The following MFAP5 variants were observed in gnomAD, a reference collection of about 807,000 sequenced individuals.
MFAP5 encodes microfibril associated protein 5, also known as microfibrillar-associated protein 5.
MFAP5 carries 19 observed loss-of-function variants against 30.1 expected under a neutral mutation model. That is an observed-to-expected ratio of 0.63 (90% CI 0.44 to 0.93). The LOEUF (loss-of-function observed/expected upper bound fraction) is 0.93. Ranked by LOEUF, MFAP5 falls within the 40% of genes least tolerant of loss-of-function variation. The pLI, the probability that MFAP5 is intolerant of heterozygous loss-of-function variation, is 0.00. For missense variants in MFAP5, 210 were observed against 221.3 expected, an observed-to-expected ratio of 0.95 and a Z score of 0.32; for synonymous variants, 92 against 72.9, an observed-to-expected ratio of 1.26 and a Z score of -1.33.
intron 5 of MFAP5, 23 bp from the exon 6 acceptor site, chr12:8,654,504 G>A (rs1941928644): frequency 1.9e-6 from 3 of 1,593,396 alleles, no homozygotes; most frequent in Non-Finnish European, 2.6e-6. Context: ...AAAACAGCAG[G>A]TATGAGGAGG....
intron 9 of MFAP5, among the ~76,000 whole-genome samples, chr12:8,649,293 T>C (rs780788080): frequency 6.6e-6 from 1 of 151,840 alleles, no homozygotes; most frequent in Non-Finnish European, 1.5e-5. Context: ...GATCTAGGGG[T>C]ACTTTTCTTA....
intron 7 of MFAP5, among the ~76,000 whole-genome samples, chr12:8,651,144 G>A (rs1386716632): frequency 6.6e-6 from 1 of 152,060 alleles, no homozygotes; most frequent in East Asian, 1.9e-4. Flanking sequence ...TCCAGCCTGG[G>A]TGACAGAGTG....
intron 1 of MFAP5, chr12:8,662,337 C>G: frequency 1.9e-6 from 1 of 523,758 alleles, no homozygotes; most frequent in Non-Finnish European, 3.4e-6. Context: ...TTATTATTCT[C>G]TGCTACCAAG....
intron 5 of MFAP5, among the ~76,000 whole-genome samples, chr12:8,655,201 C>T (rs1301431423): frequency 6.6e-6 from 1 of 151,812 alleles, no homozygotes; most frequent in Non-Finnish European, 1.5e-5. Context: ...CCACTTGAAC[C>T]CCTGAACCCA....
Position 8,650,552 on chromosome 12 carries a change from G to GTAGA in MFAP5, c.281_284dup (p.Ser96LeufsTer8). 1 of 1,614,140 alleles carries GTAGA rather than the reference G, an allele frequency of 6.2e-7. No homozygotes were observed. Among genetic ancestry groups the GTAGA allele is most frequent in the Non-Finnish European group, 8.5e-7 (1 of 1,180,024 alleles). Reference sequence around the variant, plus strand: ...ATTGTTTAACCGGCCGATGCACAGAGTAGAGCCTTGTGCAGGTAAATTTCT... The same window carrying GTAGA: ...ATTGTTTAACCGGCCGATGCACAGAGTAGATAGAGCCTTGTGCAGGTAAATTTCT... On this transcript the variant is annotated frameshift_variant, in exon 8 of 10. Transcript: ENST00000359478. LOFTEE classifies it high-confidence loss of function.
At position 8,650,598 on chromosome 12, in the gene MFAP5, G is replaced by A. The variant is rs200123536; in HGVS notation, c.248-9C>T. The A allele has an allele frequency of 2.7e-5, 44 of 1,609,544 alleles. No homozygotes were observed. Among genetic ancestry groups the A allele is most frequent in the Non-Finnish European group, 6.8e-6 (8 of 1,178,660 alleles). ...TTTCTCATCCCAGCACTCTGAGGAA[G>A]CCCAATACAAAAAAATAAGGAGGTC... On this transcript the variant is annotated splice_polypyrimidine_tract_variant and intron_variant, in intron 7 of 9. Coordinates refer to ENST00000359478, the MANE Select transcript of MFAP5 (RefSeq NM_003480.4).
chr12:8,656,058 T>C, intron 3 of MFAP5, among the ~76,000 whole-genome samples: 1 of 134,782 alleles, frequency 7.4e-6, no homozygotes, highest in South Asian at 2.4e-4. Flanking sequence ...CATTCATAAT[T>C]CTTTTTTTTT....
rs781297401 is a variant in MFAP5, at chr12:8,649,321, C to A, written c.409+180G>T. ...TTTTCTTAGGGTTATGTTTGTATAT[C>A]AAGCATACTGCTTTATGTAGATTGT... On this transcript the variant is annotated intron_variant, in intron 9 of 9. Transcript: ENST00000359478. Among the ~76,000 whole-genome samples, 2,856 of 152,230 alleles carry A rather than the reference C, an allele frequency of 0.019. 84 individuals are homozygous for A. The highest frequency in any genetic ancestry group is 0.065 in the African/African-American group (2,711 of 41,504).
At chr12:8,650,268 C>A in intron 8 of MFAP5, 1 of 508,138 alleles carries the variant, frequency 2.0e-6, no homozygotes, top group Non-Finnish European at 3.6e-6. Context: ...GACCCTTCTT[C>A]CTCCAGCGCC....
intron 7 of MFAP5, 45 bp from the exon 8 acceptor site, chr12:8,650,634 C>G: frequency 1.3e-6 from 2 of 1,519,846 alleles, no homozygotes; most frequent in Non-Finnish European, 1.8e-6. Flanking sequence ...CAAATAGAAG[C>G]AGCATAAATG....
intron 3 of MFAP5, among the ~76,000 whole-genome samples, chr12:8,657,411 C>A (rs12812856): frequency 0.075 from 11,387 of 151,556 alleles, 485 homozygotes; most frequent in Non-Finnish European, 0.084. Flanking sequence ...AAGAGAGAAA[C>A]CCTATCTCAA....
intron 1 of MFAP5, chr12:8,662,390 A>G: frequency 5.7e-6 from 2 of 352,260 alleles, no homozygotes; most frequent in Non-Finnish European, 1.0e-5. Flanking sequence ...ACTTGGCCCT[A>G]CCCTTTGGCC....
At chr12:8,656,755 G>A (rs1378195251) in intron 3 of MFAP5, among the ~76,000 whole-genome samples, 2 of 148,384 alleles carry the variant, frequency 1.3e-5, no homozygotes, top group Non-Finnish European at 3.0e-5. Context: ...TGCAACCTCC[G>A]CCTCCCGGGT....
intron 2 of MFAP5, among the ~76,000 whole-genome samples, chr12:8,661,555 T>C (rs1379999133): frequency 6.6e-6 from 1 of 151,910 alleles, no homozygotes; most frequent in Non-Finnish European, 1.5e-5. Context: ...TTTTCCTTTT[T>C]TTTTTTAATG....
At chr12:8,651,599 A>T in intron 7 of MFAP5, 63 bp downstream of exon 7, 4 of 1,497,260 alleles carry the variant, frequency 2.7e-6, no homozygotes, top group Non-Finnish European at 3.7e-6. Flanking sequence ...CCAAAGAACA[A>T]GGAGGTAAGG....
At chr12:8,661,441 T>G (rs1028001453) in intron 2 of MFAP5, among the ~76,000 whole-genome samples, 4 of 152,150 alleles carry the variant, frequency 2.6e-5, no homozygotes, top group Non-Finnish European at 4.4e-5. Flanking sequence ...TGGCATATAT[T>G]TTTTGCATGC....
chr12:8,650,422 T>C, intron 8 of MFAP5, 80 bp downstream of exon 8: 1 of 1,419,376 alleles, frequency 7.0e-7, no homozygotes. Flanking sequence ...TGCAATTCCA[T>C]AGTGGGTGCT....
rs770596025 is a variant in MFAP5, at chr12:8,655,460, A to G, written c.140-13T>C. 46 of 1,606,326 alleles carry G rather than the reference A, an allele frequency of 2.9e-5. No individual in the cohort carries two copies. The South Asian group carries it at 5.0e-4, about 18-fold the overall frequency. On this transcript the variant is annotated splice_polypyrimidine_tract_variant and intron_variant, in intron 4 of 9. Coordinates refer to ENST00000359478, the MANE Select transcript of MFAP5 (RefSeq NM_003480.4). The stretch of plus-strand genomic sequence containing the variant: ...TCATTCACCAGATCTGCAAAGACAC[A>G]TAACAAGGAATGAAAAAATGCAGTC...
rs1052469272 is a variant in MFAP5 at position 8,661,255 on chromosome 12, C to T, written c.59-357G>A. 4.6e-5 allele frequency among the ~76,000 whole-genome samples: 7 copies of T among 152,112 alleles called. No individual in the cohort carries two copies. In the South Asian group the frequency reaches 6.2e-4, roughly 14 times the overall value. On this transcript the variant is annotated intron_variant, in intron 2 of 9. Transcript: ENST00000359478. ...AGCCCTTCTAGCCCCACGGCTTCCC[C>T]GCTAGCTATGCTAGTGAACAAGACA...
Sources: allele counts gnomAD v4.1 joint callset (sites outside exome capture counted in the v4.1 genomes callset), GRCh38; gene constraint gnomAD v4.1.1; transcripts MANE v1.5; gene names NCBI Gene and HGNC (gene_info 2026-07-23, HGNC 2026-07-21).